The following COCH variants were observed in gnomAD, a reference collection of about 807,000 sequenced individuals.
COCH encodes the protein coagulation factor C homolog, cochlin (Limulus polyphemus).
A neutral mutation model predicts 54.8 loss-of-function variants in COCH; 40 were observed. The observed-to-expected ratio is 0.73, with a 90% CI of 0.57 to 0.95. The LOEUF (loss-of-function observed/expected upper bound fraction) is 0.95. COCH is among the 40% of genes least tolerant of loss of function. The pLI is 0.00. For synonymous variants in COCH, 256 were observed against 237.9 expected, an observed-to-expected ratio of 1.08 and a Z score of -0.70; for missense variants, 605 against 675.0, an observed-to-expected ratio of 0.90 and a Z score of 1.15.
At chr14:30,893,089 G>T (rs1212875343), downstream of COCH, among the ~76,000 whole-genome samples, 1 of 151,042 alleles carries the variant, frequency 6.6e-6, no homozygotes, top group Admixed American at 6.6e-5. Flanking sequence ...TAACATGTTG[G>T]TGCAAAAGTA....
chr14:30,878,767 GA>G, intron 4 of COCH, 43 bp from the exon 5 acceptor site: 2 of 1,613,888 alleles, frequency 1.2e-6, no homozygotes, highest in South Asian at 2.2e-5. Flanking sequence ...GGGATGCCCT[GA>G]AAAAGTGTGG....
downstream of COCH, among the ~76,000 whole-genome samples, chr14:30,892,049 G>A (rs1024878696): frequency 6.6e-6 from 1 of 151,978 alleles, no homozygotes; most frequent in Non-Finnish European, 1.5e-5. Context: ...TGAAATGAGA[G>A]GCAGAATATG....
Position 30,890,568 on chromosome 14 carries a change from A to G in COCH, c.*777A>G, listed in dbSNP as rs1224729087. 1 of 968,168 alleles carries G rather than the reference A, an allele frequency of 1.0e-6. No individual in the cohort carries two copies. Among genetic ancestry groups the G allele is most frequent in the African/African-American group, 1.8e-5 (1 of 56,822 alleles). The allele number at this position is 968,168 out of a possible 1,614,324, so 60.0% of individuals were successfully genotyped here. Reference sequence around the variant, plus strand: ...GACATTTCAAATAACTGCAGAAAAAATATTGTAGTTTGAATATTTAAGCAA... The same window carrying G: ...GACATTTCAAATAACTGCAGAAAAAGTATTGTAGTTTGAATATTTAAGCAA... On this transcript the variant is annotated 3_prime_UTR_variant, in exon 12 of 12. Coordinates refer to ENST00000396618, the MANE Select transcript of COCH (RefSeq NM_004086.3).
rs61175020 is a variant in COCH, at chr14:30,882,120, G to GTTTTTTTTTTTTTTTTTTTTTTTTT, written c.629+1389_629+1413dup. 2.7e-4 allele frequency among the ~76,000 whole-genome samples: 18 copies of GTTTTTTTTTTTTTTTTTTTTTTTTT among 67,916 alleles called. 1 individual carries two copies. The highest frequency in any genetic ancestry group is 4.6e-4 in the African/African-American group (7 of 15,214). The allele number at this position is 67,916 out of a possible 152,430, so 44.6% of individuals were successfully genotyped here. A position where few individuals can be genotyped will look rare whatever the true frequency, so the allele number is the denominator to read the frequency against. ...CCCTAGAGATAATCACTATAAAATG[G>GTTTTTTTTTTTTTTTTTTTTTTTTT]TTTTTTTTTTTTTTTTTTTTTTTTT... On this transcript the variant is annotated intron_variant, in intron 8 of 11. Coordinates refer to ENST00000396618, the MANE Select transcript of COCH (RefSeq NM_004086.3).
rs1473899659 is a variant in COCH at position 30,885,434 on chromosome 14, A to T, written c.774A>T (p.Val258=). Residue 258 remains valine (V), a synonymous_variant, in exon 10 of 12, where the codon GTA becomes GTT. Transcript: ENST00000396618. ...ATACTGCTCAGAAATTCTTCACGGT[A>T]GATGCTGGAGTAAGAAAAGGGATCC... ...LKHTAQKFFT[V]DAGVRKGIPK... 1.2e-6 allele frequency: 2 copies of T among 1,614,124 alleles called. No homozygotes were observed. The highest frequency in any genetic ancestry group is 2.7e-5 in the African/African-American group (2 of 75,044).
In COCH at chr14:30,877,741, A is replaced by G; in HGVS notation, c.239+13A>G. The G allele has an allele frequency of 7.4e-6, 12 of 1,614,174 alleles. No individual in the cohort carries two copies. The highest frequency in any genetic ancestry group is 1.0e-5 in the Non-Finnish European group (12 of 1,180,040). On this transcript the variant is annotated intron_variant, in intron 4 of 11. Transcript: ENST00000396618. This position sits in a 1 kb window ranked among gnomAD's most constrained non-coding sequence, Gnocchi z 8.6. Reference sequence around the variant, plus strand: ...CTGCTGTCCACAGGTAAGCCCAAACACACCAGGGTGGGAGAGAAATGCAGA... The same window carrying G: ...CTGCTGTCCACAGGTAAGCCCAAACGCACCAGGGTGGGAGAGAAATGCAGA...
In COCH at chr14:30,889,563, C is replaced by A. The variant is rs796372395; in HGVS notation, c.1478-53C>A. 9 of 1,479,470 alleles carry A rather than the reference C, an allele frequency of 6.1e-6. No homozygotes were observed. In the African/African-American group the frequency reaches 1.2e-4, roughly 20 times the overall value. The allele number at this position is 1,479,470 out of a possible 1,614,324, so 91.6% of individuals were successfully genotyped here. On this transcript the variant is annotated intron_variant, in intron 11 of 11. Coordinates refer to ENST00000396618, the MANE Select transcript of COCH (RefSeq NM_004086.3). ...TATGGAAAACATATAGACATAATTC[C>A]ATATATTAGCTAGACCTGATTTTCA...
Position 30,877,794 on chromosome 14 carries a change from C to A in COCH, c.239+66C>A. ...TGATTATTTCCTTTCCTGCTTTACC[C>A]ATCTGGATCCCTTTCCTCCCTGCAT... On this transcript the variant is annotated intron_variant, in intron 4 of 11. Coordinates refer to ENST00000396618, the MANE Select transcript of COCH (RefSeq NM_004086.3). This position sits in a 1 kb window ranked among gnomAD's most constrained non-coding sequence, Gnocchi z 8.6. 1 of 1,606,544 alleles carries A rather than the reference C, an allele frequency of 6.2e-7. No homozygotes were observed. The highest frequency in any genetic ancestry group is 8.5e-7 in the Non-Finnish European group (1 of 1,178,294).
At chr14:30,880,386 C>G in intron 6 of COCH, 66 bp from the exon 7 acceptor site, 1 of 1,598,278 alleles carries the variant, frequency 6.3e-7, no homozygotes, top group Non-Finnish European at 8.5e-7. Context: ...GAGCTTCTCC[C>G]CATGTGGGTT....
At position 30,877,562 on chromosome 14, in the gene COCH, T is replaced by C. The variant is rs1189915512; in HGVS notation, c.83-10T>C. 1 of 1,614,000 alleles carries C rather than the reference T, an allele frequency of 6.2e-7. No homozygotes were observed. The highest frequency in any genetic ancestry group is 1.7e-5 in the Admixed American group (1 of 60,028). ...AAGAATGCTTACAATATTATCTCCT[T>C]TTTCTTCAGCTCCCATTGCTATCAC... On this transcript the variant is annotated splice_polypyrimidine_tract_variant and intron_variant, in intron 3 of 11. Coordinates refer to ENST00000396618, the MANE Select transcript of COCH (RefSeq NM_004086.3). This position sits in a 1 kb window ranked among gnomAD's most constrained non-coding sequence, Gnocchi z 8.6.
At chr14:30,878,988 C>T (rs756919694) in intron 5 of COCH, 44 bp downstream of exon 5, 329 of 1,610,608 alleles carry the variant, frequency 2.0e-4, no homozygotes, top group Non-Finnish European at 2.7e-4. Flanking sequence ...TCTCCCACCC[C>T]CCAAACGTTT....
chr14:30,887,642 CTTGT>C (rs1895836150), intron 11 of COCH, among the ~76,000 whole-genome samples: 1 of 152,222 alleles, frequency 6.6e-6, no homozygotes, highest in South Asian at 2.1e-4. Flanking sequence ...AATCAATGGA[CTTGT>C]TTTTTTTAAC....
At chr14:30,882,413 A>C (rs1895644393) in intron 8 of COCH, among the ~76,000 whole-genome samples, 1 of 151,958 alleles carries the variant, frequency 6.6e-6, no homozygotes, top group South Asian at 2.1e-4. Context: ...TACAGGTGTG[A>C]GCTACCACGC....
downstream of COCH, among the ~76,000 whole-genome samples, chr14:30,893,444 GC>G (rs1444348288): frequency 5.5e-4 from 84 of 152,098 alleles, no homozygotes; most frequent in Non-Finnish European, 1.0e-4. Context: ...GAGCCACCGC[GC>G]CCGGCCAAAA....
chr14:30,887,273 A>T (rs1355045224), intron 11 of COCH, among the ~76,000 whole-genome samples: 1 of 152,052 alleles, frequency 6.6e-6, no homozygotes, highest in Non-Finnish European at 1.5e-5. Context: ...ATACACCTGT[A>T]ATCCCAGCTA....
chr14:30,890,855 T>C (rs950524648), downstream of COCH, among the ~76,000 whole-genome samples: 2 of 151,536 alleles, frequency 1.3e-5, no homozygotes, highest in Admixed American at 6.6e-5. Flanking sequence ...CTGGGCAACA[T>C]AGTGAGAACC....
chr14:30,892,511 A>G (rs1344912910), downstream of COCH, among the ~76,000 whole-genome samples: 2 of 152,186 alleles, frequency 1.3e-5, no homozygotes, highest in African/African-American at 2.4e-5. Context: ...GGTATTTAAA[A>G]AAAACTTGCT....
At chr14:30,875,034 C>G in intron 2 of COCH, 22 bp from the exon 3 acceptor site, 1 of 1,612,540 alleles carries the variant, frequency 6.2e-7, no homozygotes, top group East Asian at 2.2e-5. Flanking sequence ...TGGAGCCAGC[C>G]CTCACGCTTC....
Position 30,885,753 on chromosome 14 carries a change from C to T in COCH, c.961-43C>T, listed in dbSNP as rs779087171. ...TTTTCCAGTTTTTAAGAAGAAACAA[C>T]TTTTGATCCTTTTGGATATCTTTTA... On this transcript the variant is annotated intron_variant, in intron 10 of 11. Coordinates refer to ENST00000396618, the MANE Select transcript of COCH (RefSeq NM_004086.3). 2.9e-5 allele frequency: 47 copies of T among 1,609,980 alleles called. 2 individuals carry two copies. The South Asian group carries it at 5.2e-4, about 18-fold the overall frequency.
Sources: allele counts gnomAD v4.1 joint callset (sites outside exome capture counted in the v4.1 genomes callset), GRCh38; gene constraint gnomAD v4.1.1; non-coding constraint Gnocchi (gnomAD v3.1); transcripts MANE v1.5; gene names NCBI Gene and HGNC (gene_info 2026-07-23, HGNC 2026-07-21).